Variants in SNX14 observed in about 807,000 individuals in gnomAD.
The protein encoded by SNX14 is sorting nexin 14, also known as sorting nexin-14.
A neutral mutation model predicts 133.8 loss-of-function variants in SNX14; 93 were observed. That is an observed-to-expected ratio of 0.70 (90% confidence interval 0.59 to 0.83). The LOEUF is 0.83. SNX14 is among the 40% of genes least tolerant of loss of function. The pLI is 0.00. For missense variants in SNX14, 945 were observed against 1,094.9 expected (o/e 0.86, Z 1.93); for synonymous variants, 368 against 365.6 (o/e 1.01, Z -0.07).
At chr6:85,520,403 G>A (rs1258134536) in intron 21 of SNX14, among the ~76,000 whole-genome samples, 1 of 150,226 alleles carries the variant, frequency 6.7e-6, no homozygotes, top group Admixed American at 6.7e-5. Flanking sequence ...TGTTGCCCAG[G>A]CTGGAGTGCA....
At chr6:85,508,434 A>G in intron 26 of SNX14, 1 of 923,816 alleles carries the variant, frequency 1.1e-6, no homozygotes, top group African/African-American at 1.8e-5. Flanking sequence ...ATCTGTACAT[A>G]CATGTATAGA....
chr6:85,519,741 C>T (rs188593545), intron 21 of SNX14, among the ~76,000 whole-genome samples: 42 of 152,270 alleles, frequency 2.8e-4, no homozygotes, highest in South Asian at 1.0e-3. Context: ...TGGTGGCACA[C>T]GCCTGTTATC....
chr6:85,548,690 C>A (rs991649386), intron 8 of SNX14, among the ~76,000 whole-genome samples: 2 of 151,976 alleles, frequency 1.3e-5, no homozygotes, highest in Non-Finnish European at 1.5e-5. Flanking sequence ...CTCTATCGGC[C>A]GGGTGGGGTG....
intron 26 of SNX14, among the ~76,000 whole-genome samples, chr6:85,511,185 T>C (rs1229368227): frequency 8.5e-6 from 1 of 118,196 alleles, no homozygotes; most frequent in Non-Finnish European, 2.0e-5. Flanking sequence ...CTAATGCAAA[T>C]AGTATTTTTT....
intron 27 of SNX14, among the ~76,000 whole-genome samples, 196 bp from the exon 28 acceptor site, chr6:85,507,485 C>CACA (rs1461166875): frequency 6.6e-6 from 1 of 152,096 alleles, no homozygotes; most frequent in Non-Finnish European, 1.5e-5. Flanking sequence ...GTAATAAGTA[C>CACA]ACATGTGTTT....
rs1166982155 is a variant in SNX14, at chr6:85,548,355, T to C, written c.813A>G (p.Arg271=). 1.9e-6 allele frequency: 3 copies of C among 1,606,512 alleles called. No individual in the cohort carries two copies. The highest frequency in any genetic ancestry group is 2.5e-6 in the Non-Finnish European group (3 of 1,176,998). The change falls in exon 9 of 29, where the codon AGA becomes AGG. Residue 271 remains arginine (R), a synonymous_variant. Coordinates refer to ENST00000314673, the MANE Select transcript of SNX14 (RefSeq NM_153816.6). ...GGAACACAGAGCCAGACAGAATCTC[T>C]CTTATAAGTAAGGTCAGAGATCTGG... ...TDCRSLTLLI[R]EILSGSVFLP...
At chr6:85,561,975 GT>G (rs1331301977) in intron 6 of SNX14, among the ~76,000 whole-genome samples, 2 of 152,086 alleles carry the variant, frequency 1.3e-5, no homozygotes, top group South Asian at 2.1e-4. Flanking sequence ...CCCATAAGCA[GT>G]TTTTTTATCC....
chr6:85,578,490 G>T (rs1272904617), intron 1 of SNX14, among the ~76,000 whole-genome samples: 1 of 152,122 alleles, frequency 6.6e-6, no homozygotes, highest in Non-Finnish European at 1.5e-5. Context: ...TGAAGACAAT[G>T]AACTTTCAGT....
intron 15 of SNX14, 130 bp from the exon 16 acceptor site, chr6:85,538,994 A>G: frequency 1.6e-6 from 1 of 623,112 alleles, no homozygotes; most frequent in Non-Finnish European, 2.6e-6. Flanking sequence ...TATAACATTC[A>G]TTTTTGCAAA....
At chr6:85,517,599 C>A in intron 23 of SNX14, 157 bp downstream of exon 23, 1 of 754,196 alleles carries the variant, frequency 1.3e-6, no homozygotes, top group Non-Finnish European at 1.9e-6. Context: ...TAATTACACA[C>A]AATACCCTCT....
chr6:85,542,221 C>T (rs1399189507), intron 14 of SNX14, among the ~76,000 whole-genome samples, 178 bp from the exon 15 acceptor site: 1 of 152,018 alleles, frequency 6.6e-6, no homozygotes, highest in East Asian at 1.9e-4. Context: ...ATGATTTCCA[C>T]AGGTTTGTAA....
At chr6:85,519,809 C>G (rs1776222808) in intron 21 of SNX14, among the ~76,000 whole-genome samples, 1 of 151,976 alleles carries the variant, frequency 6.6e-6, no homozygotes, top group East Asian at 1.9e-4. Context: ...ATGGAGGTTG[C>G]AGTGAACTGA....
intron 6 of SNX14, among the ~76,000 whole-genome samples, chr6:85,563,604 G>A (rs1049540873): frequency 7.2e-5 from 11 of 152,218 alleles, no homozygotes; most frequent in Non-Finnish European, 1.3e-4. Flanking sequence ...TGTTGGCCAG[G>A]CTGGTCTTGA....
chr6:85,538,811 G>A, intron 16 of SNX14, 27 bp downstream of exon 16: 1 of 1,577,838 alleles, frequency 6.3e-7, no homozygotes, highest in Non-Finnish European at 8.6e-7. Context: ...ATTTAATACT[G>A]AAAAGAATCA....
Position 85,533,706 on chromosome 6 carries a change from C to T in SNX14, c.1703G>A (p.Ser568Asn). 1.2e-6 allele frequency: 2 copies of T among 1,613,918 alleles called. No individual in the cohort carries two copies. The highest frequency in any genetic ancestry group is 1.3e-5 in the African/African-American group (1 of 75,012). The change falls in exon 18 of 29, where the codon AGC becomes AAC. Residue 568 changes from serine (S) to asparagine (N), a missense_variant. Ser to Asn is a conservative substitution (Grantham distance 46, BLOSUM62 1). Coordinates refer to ENST00000314673, the MANE Select transcript of SNX14 (RefSeq NM_153816.6). ...CTCAAAAAAGTCTACATATGGAATGCTAATTTTCCATGCAGCAAGGTTTCG... is the reference window on the plus strand; with the variant it reads ...CTCAAAAAAGTCTACATATGGAATGTTAATTTTCCATGCAGCAAGGTTTCG... The part of the protein sequence containing the change: ...TPRNLAAWKI[S>N]IPYVDFFEDP...
intron 15 of SNX14, 46 bp from the exon 16 acceptor site, chr6:85,538,910 A>C (rs111888520): frequency 1.2e-5 from 18 of 1,504,534 alleles, no homozygotes; most frequent in African/African-American, 5.7e-5. Context: ...GGAAAGAAAG[A>C]AAGCCCAGAT....
Position 85,593,835 on chromosome 6 carries a change from G to A in SNX14, c.-117C>T. Reference sequence around the variant, plus strand: ...TTGGCGGCGCACACAGACGCCTACCGGCAGTTAGCCGCCGCAGGCTGAGGT... The same window carrying A: ...TTGGCGGCGCACACAGACGCCTACCAGCAGTTAGCCGCCGCAGGCTGAGGT... On this transcript the variant is annotated 5_prime_UTR_variant, in exon 1 of 29. Coordinates refer to ENST00000314673, the MANE Select transcript of SNX14 (RefSeq NM_153816.6). 6.5e-7 allele frequency: 1 copy of A among 1,531,118 alleles called. No individual in the cohort carries two copies. Among genetic ancestry groups the A allele is most frequent in the South Asian group, 1.2e-5 (1 of 85,116 alleles). The allele number at this position is 1,531,118 out of a possible 1,614,324, so 94.8% of individuals were successfully genotyped here.
intron 1 of SNX14, among the ~76,000 whole-genome samples, chr6:85,592,825 T>TAAAA (rs11427677): frequency 1.5e-5 from 2 of 130,658 alleles, no homozygotes; most frequent in Non-Finnish European, 3.3e-5. Flanking sequence ...CCGTCTCTAC[T>TAAAA]AAAAAAAAAA....
intron 1 of SNX14, among the ~76,000 whole-genome samples, chr6:85,576,061 T>G (rs1443944560): frequency 6.6e-6 from 1 of 152,190 alleles, no homozygotes; most frequent in Non-Finnish European, 1.5e-5. Context: ...TAACTGACAA[T>G]GAGAGTTTTC....
Sources: allele counts gnomAD v4.1 joint callset (sites outside exome capture counted in the v4.1 genomes callset), GRCh38; gene constraint gnomAD v4.1.1; transcripts MANE v1.5; gene names NCBI Gene and HGNC (gene_info 2026-07-23, HGNC 2026-07-21).